Variants in RAB19 observed in about 807,000 individuals in gnomAD.
RAB19 encodes the protein RAB19, member RAS oncogene family, also known as ras-related protein Rab-19.
RAB19 carries 21 observed loss-of-function variants against 17.3 expected under a neutral mutation model. That is an observed-to-expected ratio of 1.21 (90% CI 0.86 to 1.74). The LOEUF (loss-of-function observed/expected upper bound fraction) is 1.74, where lower values mean the gene tolerates loss of function less well. Among genes scored for constraint, RAB19 ranks in the 40% most tolerant of loss-of-function variants. RAB19 has a pLI of 0.00. For synonymous variants in RAB19, 126 were observed against 110.4 expected, an observed-to-expected ratio of 1.14 and a Z score of -0.88; for missense variants, 277 against 286.8, an observed-to-expected ratio of 0.97 and a Z score of 0.25.
intron 3 of RAB19, among the ~76,000 whole-genome samples, chr7:140,422,780 C>A (rs1325810417): frequency 6.6e-6 from 1 of 151,742 alleles, no homozygotes; most frequent in Admixed American, 6.6e-5. Context: ...CACTCCAGCC[C>A]AGGTGGCAGG....
intron 3 of RAB19, among the ~76,000 whole-genome samples, chr7:140,412,443 C>T (rs1206747144): frequency 1.3e-5 from 2 of 151,982 alleles, no homozygotes; most frequent in Non-Finnish European, 2.9e-5. Flanking sequence ...CAGAGCAACA[C>T]TCCGTCGGGG....
intron 3 of RAB19, among the ~76,000 whole-genome samples, chr7:140,424,912 GA>G (rs1167094561): frequency 6.6e-6 from 1 of 151,964 alleles, no homozygotes; most frequent in East Asian, 1.9e-4. Flanking sequence ...AATCCTGTGG[GA>G]AAGTAATTTT....
At chr7:140,415,366 T>G (rs1205020833) in intron 3 of RAB19, among the ~76,000 whole-genome samples, 2 of 152,064 alleles carry the variant, frequency 1.3e-5, no homozygotes, top group South Asian at 2.1e-4. Flanking sequence ...CCAACCTTTT[T>G]TGTAGGTTAT....
rs1292986241 is a variant in RAB19, at chr7:140,416,918, C to G, written c.385+4861C>G. ...CAGCCCAGGCAACATAGTGAGACCT[C>G]CGTCTCTACAAAAAATAAAAAATTA... On this transcript the variant is annotated intron_variant, in intron 3 of 3. Transcript: ENST00000537763. 2.0e-5 allele frequency among the ~76,000 whole-genome samples: 3 copies of G among 152,090 alleles called. No individual in the cohort carries two copies. The East Asian group carries it at 5.8e-4, about 29-fold the overall frequency.
In RAB19 at chr7:140,427,347, T is replaced by C. The variant is rs912892928; in HGVS notation, c.*1197T>C. 6.6e-6 allele frequency among the ~76,000 whole-genome samples: 1 copy of C among 151,484 alleles called. No homozygotes were observed. The highest frequency in any genetic ancestry group is 2.4e-5 in the African/African-American group (1 of 41,194). ...TTTTGTATATTTAGTAGAGACTGGG[T>C]TTCACTACGTTGGTCAGGCTGGTCT... On this transcript the variant is annotated 3_prime_UTR_variant, in exon 4 of 4. Transcript: ENST00000537763.
chr7:140,422,600 C>A (rs1187617830), intron 3 of RAB19, among the ~76,000 whole-genome samples: 1 of 151,954 alleles, frequency 6.6e-6, no homozygotes, highest in Non-Finnish European at 1.5e-5. Context: ...TTTTCATAGG[C>A]CAAGATCACT....
chr7:140,412,527 A>T lies in RAB19; in HGVS notation c.385+470A>T, dbSNP rs970325690. Among the ~76,000 whole-genome samples, 16 of 142,032 alleles carry T rather than the reference A, an allele frequency of 1.1e-4. No homozygotes were observed. In the East Asian group the frequency reaches 3.1e-3, roughly 28 times the overall value. 93.2% of individuals were successfully genotyped at this position (142,032 alleles called of 152,430 possible). On this transcript the variant is annotated intron_variant, in intron 3 of 3. Coordinates refer to ENST00000537763, the MANE Select transcript of RAB19 (RefSeq NM_001008749.3). ...AGCTGGATGCCACCATGCCCAGCCC[A>T]TTTTTTTTTTTTTAATTTTTTGTAA...
At chr7:140,416,105 G>A (rs1433124341) in intron 3 of RAB19, among the ~76,000 whole-genome samples, 9 of 151,990 alleles carry the variant, frequency 5.9e-5, no homozygotes, top group Admixed American at 5.9e-4. Context: ...CACTTTGGGA[G>A]GCCAAGGCGG....
intron 3 of RAB19, among the ~76,000 whole-genome samples, chr7:140,418,724 T>G (rs1273158871): frequency 6.6e-6 from 1 of 151,720 alleles, no homozygotes; most frequent in Non-Finnish European, 1.5e-5. Context: ...CTGGGTATGA[T>G]GGCATGCGCC....
intron 3 of RAB19, among the ~76,000 whole-genome samples, chr7:140,420,108 A>G (rs1799530013): frequency 6.6e-6 from 1 of 152,070 alleles, no homozygotes. Context: ...ACTGGGAGAA[A>G]CAGCTGTGAG....
intron 2 of RAB19, among the ~76,000 whole-genome samples, chr7:140,410,594 G>A (rs1799341253): frequency 6.6e-6 from 1 of 151,966 alleles, no homozygotes; most frequent in Non-Finnish European, 1.5e-5. Context: ...CCAAAGTGCT[G>A]GGATTACAGG....
At chr7:140,420,686 G>T (rs1283687860) in intron 3 of RAB19, among the ~76,000 whole-genome samples, 2 of 152,080 alleles carry the variant, frequency 1.3e-5, no homozygotes, top group East Asian at 3.9e-4. Flanking sequence ...GGGGGATGGG[G>T]TGCTGTCCCC....
intron 3 of RAB19, among the ~76,000 whole-genome samples, chr7:140,419,481 A>G (rs1277295082): frequency 6.6e-6 from 1 of 152,142 alleles, no homozygotes; most frequent in African/African-American, 2.4e-5. Flanking sequence ...TGTGGCTGTA[A>G]TCTATTCTTT....
At chr7:140,420,249 C>T (rs1202805825) in intron 3 of RAB19, among the ~76,000 whole-genome samples, 1 of 151,922 alleles carries the variant, frequency 6.6e-6, no homozygotes, top group Non-Finnish European at 1.5e-5. Context: ...GGCGAAACCC[C>T]GTCTCTACTA....
chr7:140,421,319 G>A (rs1278818505), intron 3 of RAB19, among the ~76,000 whole-genome samples: 1 of 152,082 alleles, frequency 6.6e-6, no homozygotes, highest in Non-Finnish European at 1.5e-5. Context: ...AATCTTCCAA[G>A]TAGCTGGGAC....
chr7:140,415,572 C>G (rs1799440983), intron 3 of RAB19, among the ~76,000 whole-genome samples: 2 of 152,146 alleles, frequency 1.3e-5, no homozygotes, highest in African/African-American at 4.8e-5. Context: ...ATAACACCCT[C>G]AGCAGGGTCT....
At chr7:140,412,857 G>A (rs559877606) in intron 3 of RAB19, among the ~76,000 whole-genome samples, 1 of 151,868 alleles carries the variant, frequency 6.6e-6, no homozygotes, top group Non-Finnish European at 1.5e-5. Context: ...GGGGCGTGGT[G>A]GTTCATGCCT....
intron 3 of RAB19, among the ~76,000 whole-genome samples, chr7:140,416,712 T>C (rs997632463): frequency 1.3e-5 from 2 of 152,184 alleles, no homozygotes; most frequent in Non-Finnish European, 2.9e-5. Flanking sequence ...TGTGCAGCCC[T>C]GGCTGTTGGC....
intron 3 of RAB19, among the ~76,000 whole-genome samples, chr7:140,423,013 C>T (rs918573974): frequency 9.3e-5 from 14 of 151,114 alleles, no homozygotes; most frequent in East Asian, 2.0e-4. Flanking sequence ...GAAGCTGAAG[C>T]GGGAGAATCT....
Sources: gnomAD v4.1 joint callset for allele counts (sites outside exome capture counted in the v4.1 genomes callset) on GRCh38, gnomAD v4.1.1 for gene constraint, MANE v1.5 for transcripts, NCBI Gene and HGNC (gene_info 2026-07-23, HGNC 2026-07-21) for gene names.